STAG3: variants seen among roughly 807,000 people sequenced by gnomAD.
The protein encoded by STAG3 is STAG3 cohesin complex component.
STAG3 carries 101 observed loss-of-function variants against 160.7 expected under a neutral mutation model. The observed-to-expected ratio is 0.63, with a 90% CI of 0.54 to 0.74. The LOEUF (loss-of-function observed/expected upper bound fraction) is 0.74, where lower values mean the gene tolerates loss of function less well. Ranked by LOEUF, STAG3 falls within the 30% of genes least tolerant of loss-of-function variation. STAG3 has a pLI of 0.00. For missense variants in STAG3, 1,188 were observed against 1,517.4 expected (o/e 0.78, Z 3.61); for synonymous variants, 519 against 585.0 (o/e 0.89, Z 1.63).
At chr7:100,193,939 C>CT (rs57044186) in intron 8 of STAG3, among the ~76,000 whole-genome samples, 28,277 of 122,240 alleles carry the variant, frequency 0.23, 4,132 homozygotes, top group East Asian at 0.56. Flanking sequence ...TTAATCATTT[C>CT]TTTTTTTTTT....
rs767400666 is a variant in STAG3 at position 100,214,008 on chromosome 7, A to G, written c.3674A>G (p.Asp1225Gly). The change falls in exon 34 of 34, where the codon GAT becomes GGT. Residue 1225 changes from aspartate to glycine, a missense_variant and splice_region_variant. Around this residue, in one of 4 missense-constraint regions of STAG3, gnomAD observed 647 missense variants for 717.2 expected, o/e 0.90. Transcript: ENST00000615138. ...TTCCTTTCATCTTTCTCATTATAGG[A>G]TTTCTGACAGGACTCTGGGCCCCTC... ...LLDSTELDIE[D>G]F 2 of 1,613,956 alleles carry G rather than the reference A, an allele frequency of 1.2e-6. No homozygotes were observed. The highest frequency in any genetic ancestry group is 1.7e-6 in the Non-Finnish European group (2 of 1,179,974).
intron 23 of STAG3, 65 bp from the exon 24 acceptor site, chr7:100,202,107 A>G: frequency 6.2e-7 from 1 of 1,609,604 alleles, no homozygotes; most frequent in Non-Finnish European, 8.5e-7. Flanking sequence ...GGAGAAATTG[A>G]CAGTGTCATT....
In STAG3 at chr7:100,213,770, G is replaced by A. The variant is rs1224520267; in HGVS notation, c.3636G>A (p.Gly1212=). The stretch of plus-strand genomic sequence containing the variant: ...GCTACTCTTCCACCAGTGAGCGCGG[G>A]CTGGACCTCTTAGATTCTACAGAGC... The part of the protein sequence containing the change: ...ASSYSSTSER[G]LDLLDSTELD... The change falls in exon 33 of 34, where the codon GGG becomes GGA. Residue 1212 remains glycine, a synonymous_variant. Coordinates refer to ENST00000615138, the MANE Select transcript of STAG3 (RefSeq NM_001282717.2). 1.9e-6 allele frequency: 3 copies of A among 1,614,210 alleles called. No individual in the cohort carries two copies. Among genetic ancestry groups the A allele is most frequent in the East Asian group, 4.5e-5 (2 of 44,892 alleles).
At chr7:100,214,956 C>T (rs1488247718), downstream of STAG3, 3 of 152,112 alleles carry the variant, frequency 2.0e-5, no homozygotes, top group Non-Finnish European at 2.9e-5. Flanking sequence ...CACATTGTCA[C>T]CATCGTCTCT....
In STAG3 at chr7:100,204,003, C is replaced by A; in HGVS notation, c.2701-18C>A. The A allele has an allele frequency of 6.4e-7, 1 of 1,558,724 alleles. No individual in the cohort carries two copies. Among genetic ancestry groups the A allele is most frequent in the Non-Finnish European group, 8.8e-7 (1 of 1,130,306 alleles). On this transcript the variant is annotated intron_variant, in intron 25 of 33. Coordinates refer to ENST00000615138, the MANE Select transcript of STAG3 (RefSeq NM_001282717.2). ...TTTCCACCAGTCAGACATTACCTTC[C>A]CCACTCTTTCCCCTCAGTTCTACAA...
At chr7:100,197,620 A>C in intron 10 of STAG3, 158 bp from the exon 11 acceptor site, 2 of 711,034 alleles carry the variant, frequency 2.8e-6, no homozygotes, top group Non-Finnish European at 5.0e-6. Context: ...TTAAGTAAGA[A>C]GACAGCTGTT....
chr7:100,185,098 G>A (rs1799909623), intron 4 of STAG3, among the ~76,000 whole-genome samples: 1 of 151,998 alleles, frequency 6.6e-6, no homozygotes, highest in Non-Finnish European at 1.5e-5. Context: ...GAGTGCAGTG[G>A]TGCTATCACG....
chr7:100,213,848 G>T, intron 33 of STAG3, 42 bp downstream of exon 33: 2 of 1,614,176 alleles, frequency 1.2e-6, no homozygotes, highest in Non-Finnish European at 1.7e-6. Flanking sequence ...CTTCGGAAAT[G>T]CTGGCAGGCA....
chr7:100,201,891 A>C, intron 22 of STAG3, 25 bp downstream of exon 22: 1 of 1,614,022 alleles, frequency 6.2e-7, no homozygotes, highest in South Asian at 1.1e-5. Flanking sequence ...TAGATGGGAT[A>C]ATGGGAACAG....
intron 9 of STAG3, among the ~76,000 whole-genome samples, chr7:100,195,986 G>A (rs1009721873): frequency 2.0e-5 from 3 of 152,004 alleles, no homozygotes; most frequent in Admixed American, 6.6e-5. Flanking sequence ...AAAATTAGCC[G>A]GGTGTGGTGG....
rs1210611804 is a variant in STAG3 at position 100,198,896 on chromosome 7, A to T, written c.1406A>T (p.Gln469Leu). 3.1e-6 allele frequency: 5 copies of T among 1,612,122 alleles called. No individual in the cohort carries two copies. The highest frequency in any genetic ancestry group is 4.2e-6 in the Non-Finnish European group (5 of 1,179,880). The change falls in exon 14 of 34, where the codon CAG becomes CTG. Residue 469 changes from glutamine (Q) to leucine (L), a missense_variant. Gln to Leu is a moderately radical substitution (Grantham distance 113). This residue lies in a region of STAG3 where 240 missense variants were observed against 358.1 expected (regional missense o/e 0.67). Coordinates refer to ENST00000615138, the MANE Select transcript of STAG3 (RefSeq NM_001282717.2). ...IRMMGGREQR[Q>L]SPGAQRTFFQ... Reference sequence around the variant, plus strand: ...ATGATGGGTGGAAGAGAGCAACGCCAGAGCCCAGGCGCCCAGAGGACTTTC... The same window carrying T: ...ATGATGGGTGGAAGAGAGCAACGCCTGAGCCCAGGCGCCCAGAGGACTTTC...
In STAG3 at chr7:100,204,761, G is replaced by T. The variant is rs190896983; in HGVS notation, c.2937G>T (p.Val979=). 6.2e-7 allele frequency: 1 copy of T among 1,613,484 alleles called. No individual in the cohort carries two copies. Among genetic ancestry groups the T allele is most frequent in the African/African-American group, 1.3e-5 (1 of 74,736 alleles). The part of the protein sequence containing the change: ...GPQQLQNRDL[V]VMLHKEGIQF... ...AGCAGCTGCAGAACCGTGACCTCGT[G>T]GTCATGCTACACAAGTAGGAAGTAT... The change falls in exon 27 of 34, where the codon GTG becomes GTT. Residue 979 remains valine (V), a synonymous_variant. Transcript: ENST00000615138.
intron 8 of STAG3, among the ~76,000 whole-genome samples, chr7:100,192,625 C>T (rs1486876459): frequency 6.6e-6 from 1 of 152,184 alleles, no homozygotes; most frequent in African/African-American, 2.4e-5. Context: ...GGGTCTCGCT[C>T]TGTTGCCTAG....
chr7:100,187,278 C>T (rs904381283), intron 5 of STAG3, among the ~76,000 whole-genome samples: 1 of 151,952 alleles, frequency 6.6e-6, no homozygotes, highest in African/African-American at 2.4e-5. Context: ...CTGCCTCGAC[C>T]TCCCAAAGTG....
Position 100,202,492 on chromosome 7 carries a change from C to T in STAG3, c.2602C>T (p.His868Tyr), listed in dbSNP as rs749267325. 6.2e-7 allele frequency: 1 copy of T among 1,613,732 alleles called. No homozygotes were observed. Among genetic ancestry groups the T allele is most frequent in the Non-Finnish European group, 8.5e-7 (1 of 1,179,974 alleles). Residue 868 changes from histidine (H) to tyrosine (Y), a missense_variant, in exon 25 of 34, where the codon CAC (histidine) becomes TAC (tyrosine). Transcript: ENST00000615138. ...QEDHLQIERL[H>Y]QRRRLLAGFC... ...GGATCATTTACAGATAGAGCGGCTA[C>T]ACCAGCGGCGCCGCCTCCTAGCCGG...
intron 29 of STAG3, among the ~76,000 whole-genome samples, chr7:100,206,005 G>GTTTTGT: frequency 6.6e-6 from 1 of 151,942 alleles, no homozygotes; most frequent in East Asian, 1.9e-4. Context: ...GTTGCCTAAG[G>GTTTTGT]TTTTGTTTTT....
chr7:100,207,305 A>C lies in STAG3; in HGVS notation c.3238+1921A>C, dbSNP rs1388737637. Among the ~76,000 whole-genome samples, 1 of 152,214 alleles carries C rather than the reference A, an allele frequency of 6.6e-6. No homozygotes were observed. The highest frequency in any genetic ancestry group is 1.9e-4 in the East Asian group (1 of 5,202). ...TTGAGGAACTACCACACTGTTTTCC[A>C]AAGTACCTACACCAGTTTACAATCC... On this transcript the variant is annotated intron_variant, in intron 29 of 33. Coordinates refer to ENST00000615138, the MANE Select transcript of STAG3 (RefSeq NM_001282717.2). This position sits in a 1 kb window ranked among gnomAD's most constrained non-coding sequence, Gnocchi z 4.0.
Position 100,185,601 on chromosome 7 carries a change from C to CA in STAG3, c.337-584dup, listed in dbSNP as rs57953038. ...TGGGCTACAGAGTGAGACTCCATCT[C>CA]AAAAAAAAAAAAAAAGGAAAAGAAA... On this transcript the variant is annotated intron_variant, in intron 4 of 33. Transcript: ENST00000615138. 3.5e-3 allele frequency among the ~76,000 whole-genome samples: 214 copies of CA among 61,198 alleles called. No homozygotes were observed. The Middle Eastern group carries it at 0.039, about 11-fold the overall frequency. 40.1% of individuals were successfully genotyped at this position (61,198 alleles called of 152,430 possible).
intron 4 of STAG3, among the ~76,000 whole-genome samples, chr7:100,185,568 C>T (rs906051335): frequency 2.7e-5 from 4 of 149,406 alleles, no homozygotes; most frequent in Non-Finnish European, 5.9e-5. Context: ...CACCATTGCA[C>T]TCCAGCTTGG....
Sources: gnomAD v4.1 joint callset for allele counts (sites outside exome capture counted in the v4.1 genomes callset) on GRCh38, gnomAD v4.1.1 for gene constraint, gnomAD v4.1.1 regional missense constraint, Gnocchi (gnomAD v3.1) non-coding constraint, MANE v1.5 for transcripts, NCBI Gene and HGNC (gene_info 2026-07-23, HGNC 2026-07-21) for gene names.